The following RHAG variants were observed in gnomAD, a reference collection of about 807,000 sequenced individuals.
RHAG encodes Rh associated glycoprotein, also known as ammonium transporter Rh type A.
A neutral mutation model predicts 42.4 loss-of-function variants in RHAG; 25 were observed. That is an observed-to-expected ratio of 0.59 (90% CI 0.43 to 0.82). RHAG has a LOEUF of 0.82. Ranked by LOEUF, RHAG falls within the 40% of genes least tolerant of loss-of-function variation. The probability of loss-of-function intolerance (pLI) is 0.00; values close to 1 mark genes in which losing one functional copy is unlikely to be tolerated. For missense variants in RHAG, 483 were observed against 504.6 expected (o/e 0.96, Z 0.41); for synonymous variants, 182 against 177.7 (o/e 1.02, Z -0.19).
At chr6:49,622,690 G>T (rs991153314) in intron 1 of RHAG, among the ~76,000 whole-genome samples, 8 of 152,090 alleles carry the variant, frequency 5.3e-5, no homozygotes, top group Non-Finnish European at 8.8e-5. Flanking sequence ...CCAGTCTCGG[G>T]TATGTTTTTA....
chr6:49,630,972 G>T (rs1238067861), intron 1 of RHAG, among the ~76,000 whole-genome samples: 1 of 151,950 alleles, frequency 6.6e-6, no homozygotes, highest in East Asian at 1.9e-4. Context: ...TTCATTGCTG[G>T]TATTATTTCA....
At chr6:49,625,451 C>T (rs1018721251) in intron 1 of RHAG, among the ~76,000 whole-genome samples, 7 of 152,148 alleles carry the variant, frequency 4.6e-5, no homozygotes, top group East Asian at 1.9e-4. Context: ...AATAAATACA[C>T]GATAAGTTCA....
intron 3 of RHAG, among the ~76,000 whole-genome samples, chr6:49,616,354 C>CAAAAAAAAAAAAA (rs34416373): frequency 9.2e-6 from 1 of 108,764 alleles, no homozygotes; most frequent in Non-Finnish European, 1.7e-5. Context: ...AATCTCAAAC[C>CAAAAAAAAAAAAA]AAAAAAAAAA....
chr6:49,605,453 G>T lies in RHAG; in HGVS notation c.*360C>A. ...CATGGGTTTCAGTTTTATAATTTTT[G>T]GGATTGAAGACATAGTGTCTACATT... On this transcript the variant is annotated 3_prime_UTR_variant, in exon 10 of 10. Transcript: ENST00000371175. 3.7e-6 allele frequency: 1 copy of T among 271,410 alleles called. No homozygotes were observed. The highest frequency in any genetic ancestry group is 7.1e-6 in the Non-Finnish European group (1 of 140,862). The allele number at this position is 271,410 out of a possible 1,614,324, so 16.8% of individuals were successfully genotyped here. A position where few individuals can be genotyped will look rare whatever the true frequency, so the allele number is the denominator to read the frequency against.
chr6:49,613,261 G>T (rs62412393), intron 5 of RHAG, among the ~76,000 whole-genome samples: 7,579 of 152,046 alleles, frequency 0.05, 276 homozygotes, highest in South Asian at 0.11. Context: ...GTAGAGATGG[G>T]GTTTCGCCAT....
At chr6:49,622,309 C>T (rs538164471) in intron 1 of RHAG, among the ~76,000 whole-genome samples, 2 of 151,748 alleles carry the variant, frequency 1.3e-5, no homozygotes, top group East Asian at 1.9e-4. Flanking sequence ...CTCCACCTCC[C>T]GGGCTCAAGT....
At chr6:49,629,012 G>C (rs1413204638) in intron 1 of RHAG, among the ~76,000 whole-genome samples, 2 of 152,324 alleles carry the variant, frequency 1.3e-5, no homozygotes, top group Admixed American at 1.3e-4. Context: ...GTAGAGCCAA[G>C]TGGTGCGTTT....
intron 5 of RHAG, among the ~76,000 whole-genome samples, chr6:49,613,458 A>G (rs1345115235): frequency 6.6e-6 from 1 of 152,198 alleles, no homozygotes; most frequent in African/African-American, 2.4e-5. Flanking sequence ...GTACTTTTAA[A>G]AGAGAAACAC....
intron 5 of RHAG, among the ~76,000 whole-genome samples, chr6:49,613,478 C>A (rs771034986): frequency 6.6e-6 from 1 of 152,056 alleles, no homozygotes; most frequent in African/African-American, 2.4e-5. Context: ...CTGAACTGTG[C>A]GATTTTTCCT....
At chr6:49,608,658 T>C (rs1762515610) in intron 7 of RHAG, among the ~76,000 whole-genome samples, 1 of 152,222 alleles carries the variant, frequency 6.6e-6, no homozygotes, top group South Asian at 2.1e-4. Context: ...ATTACAGGCT[T>C]GAGCCACCGT....
intron 1 of RHAG, among the ~76,000 whole-genome samples, chr6:49,625,452 GA>G (rs1445168753): frequency 6.6e-6 from 1 of 152,122 alleles, no homozygotes; most frequent in Non-Finnish European, 1.5e-5. Context: ...ATAAATACAC[GA>G]TAAGTTCACA....
At chr6:49,612,703 A>G (rs1762587692) in intron 5 of RHAG, among the ~76,000 whole-genome samples, 169 bp from the exon 6 acceptor site, 1 of 152,230 alleles carries the variant, frequency 6.6e-6, no homozygotes, top group Non-Finnish European at 1.5e-5. Context: ...CTTTCTTTCA[A>G]GAAGTTGACA....
In RHAG at chr6:49,636,686, C is replaced by A. The variant is rs1763014903; in HGVS notation, c.127G>T (p.Asp43Tyr). Residue 43 changes from aspartate (D) to tyrosine (Y), a missense_variant, in exon 1 of 10, where the codon GAC becomes TAC. Asp to Tyr is a radical substitution (Grantham distance 160, BLOSUM62 -3). Coordinates refer to ENST00000371175, the MANE Select transcript of RHAG (RefSeq NM_000324.3). ...TATAACTCAAAGAATATGCCCATGT[C>A]TGTTGGCTTGGTGATGTTGAGCTGC... Reference protein sequence around the residue: ...LEQLNITKPTDMGIFFELYPL... With the variant: ...LEQLNITKPTYMGIFFELYPL... The A allele has an allele frequency of 6.2e-7, 1 of 1,613,804 alleles. No individual in the cohort carries two copies. Among genetic ancestry groups the A allele is most frequent in the Non-Finnish European group, 8.5e-7 (1 of 1,179,828 alleles).
Position 49,611,088 on chromosome 6 carries a change from C to A in RHAG, c.1003G>T (p.Gly335Cys). 1 of 1,613,838 alleles carries A rather than the reference C, an allele frequency of 6.2e-7. No homozygotes were observed. Among genetic ancestry groups the A allele is most frequent in the Non-Finnish European group, 8.5e-7 (1 of 1,179,874 alleles). The change falls in exon 7 of 10, where the codon GGC becomes TGC. Residue 335 changes from glycine to cysteine, a missense_variant. Gly to Cys is a radical substitution (Grantham distance 159, BLOSUM62 -3). Transcript: ENST00000371175. The part of the protein sequence containing the change: ...HDTCGVHNLH[G>C]LPGVVGGLAG... ...AGGCCTCCCACTACACCAGGTAAGC[C>A]GTGGAGGTTATGGACCCCACATGTA...
intron 1 of RHAG, among the ~76,000 whole-genome samples, chr6:49,630,982 AT>A (rs1392313898): frequency 4.6e-5 from 7 of 152,062 alleles, no homozygotes; most frequent in Admixed American, 3.9e-4. Context: ...GTATTATTTC[AT>A]TTTTTATGTA....
In RHAG at chr6:49,612,488, G is replaced by T. The variant is rs1384659686; in HGVS notation, c.854C>A (p.Thr285Asn). 1.2e-6 allele frequency: 2 copies of T among 1,614,126 alleles called. No homozygotes were observed. The highest frequency in any genetic ancestry group is 8.5e-7 in the Non-Finnish European group (1 of 1,180,010). ...TGGGTGAATTGCCATATCCGCACAA[G>T]TGCCCACAGCAACTCCTCCAGCAAG... ...ATLAGGVAVG[T>N]CADMAIHPFG... Residue 285 changes from threonine to asparagine, a missense_variant, in exon 6 of 10, where the codon ACT (threonine) becomes AAT (asparagine). Transcript: ENST00000371175.
intron 2 of RHAG, among the ~76,000 whole-genome samples, 181 bp downstream of exon 2, chr6:49,618,998 G>C (rs140665576): frequency 6.6e-6 from 1 of 152,086 alleles, no homozygotes; most frequent in African/African-American, 2.4e-5. Context: ...AGTGGAAGGG[G>C]TCAGGAGTCT....
Position 49,636,800 on chromosome 6 carries a change from A to G in RHAG, c.13T>C (p.Phe5Leu). The change falls in exon 1 of 10, where the codon TTC becomes CTC. Residue 5 changes from phenylalanine (F) to leucine (L), a missense_variant. Phe to Leu is a conservative substitution (Grantham distance 22). Transcript: ENST00000371175. ...TCCAGGACTATAGCCATGAGAGGGAATGTGAACCTCATGTTTGTGGCAAAG... is the reference window on the plus strand; with the variant it reads ...TCCAGGACTATAGCCATGAGAGGGAGTGTGAACCTCATGTTTGTGGCAAAG... MRFTFPLMAIVLEIA... is the reference protein window; with the variant it reads MRFTLPLMAIVLEIA... 1 of 1,613,762 alleles carries G rather than the reference A, an allele frequency of 6.2e-7. No homozygotes were observed. The highest frequency in any genetic ancestry group is 8.5e-7 in the Non-Finnish European group (1 of 1,179,704).
At chr6:49,610,266 T>C (rs1338083405) in intron 7 of RHAG, among the ~76,000 whole-genome samples, 1 of 152,202 alleles carries the variant, frequency 6.6e-6, no homozygotes, top group Non-Finnish European at 1.5e-5. Flanking sequence ...TTCTGATTTT[T>C]CTTAATTTAC....
Sources: gnomAD v4.1 joint callset for allele counts (sites outside exome capture counted in the v4.1 genomes callset) on GRCh38, gnomAD v4.1.1 for gene constraint, MANE v1.5 for transcripts, NCBI Gene and HGNC (gene_info 2026-07-23, HGNC 2026-07-21) for gene names.